The following OR5AS1 variants were observed in gnomAD, a reference collection of about 807,000 sequenced individuals.
The protein encoded by OR5AS1 is olfactory receptor 5AS1.
For missense variants in OR5AS1, 492 were observed against 378.2 expected, an observed-to-expected ratio of 1.30 and a Z score of -2.50; for synonymous variants, 196 against 141.7, an observed-to-expected ratio of 1.38 and a Z score of -2.72.
In OR5AS1 at chr11:56,033,965, AG is replaced by A. The variant is rs1853378239; in HGVS notation, c.*2574del. On this transcript the variant is annotated 3_prime_UTR_variant, in exon 2 of 2. Coordinates refer to ENST00000641320, the MANE Select transcript of OR5AS1 (RefSeq NM_001001921.2). ...ATCTTTACTGTTCTGCAGCCTTCGCAGGCAAACAGGGTCTGGAGTGGATCTC... is the reference window on the plus strand; with the variant it reads ...ATCTTTACTGTTCTGCAGCCTTCGCAGCAAACAGGGTCTGGAGTGGATCTC... 1 of 152,268 alleles carries A rather than the reference AG, an allele frequency of 6.6e-6. No individual in the cohort carries two copies. The highest frequency in any genetic ancestry group is 1.5e-5 in the Non-Finnish European group (1 of 68,180). 9.4% of individuals were successfully genotyped at this position (152,268 alleles called of 1,614,324 possible).
At position 56,035,200 on chromosome 11, in the gene OR5AS1, C is replaced by A. The variant is rs1468729535; in HGVS notation, c.*3807C>A. 1 of 152,122 alleles carries A rather than the reference C, an allele frequency of 6.6e-6. No individual in the cohort carries two copies. The highest frequency in any genetic ancestry group is 1.5e-5 in the Non-Finnish European group (1 of 68,046). The allele number at this position is 152,122 out of a possible 1,614,324, so 9.4% of individuals were successfully genotyped here. On this transcript the variant is annotated 3_prime_UTR_variant, in exon 2 of 2. Coordinates refer to ENST00000641320, the MANE Select transcript of OR5AS1 (RefSeq NM_001001921.2). ...AAAGAACATTGACACTACGAAGAAA[C>A]CACATCAGCTAATGGGCAAAATAAC...
rs867532971 is a variant in OR5AS1 at position 56,030,966 on chromosome 11, C to G, written c.548C>G (p.Pro183Arg). The change falls in exon 2 of 2, where the codon CCT becomes CGT. Residue 183 changes from proline to arginine, a missense_variant. Physicochemically the swap from Pro to Arg is moderately radical, Grantham distance 103 (BLOSUM62 -2). Coordinates refer to ENST00000641320, the MANE Select transcript of OR5AS1 (RefSeq NM_001001921.2). ...IVNHFFCDIP[P>R]LLALSCTDTQ... ...AATCATTTTTTCTGTGATATCCCAC[C>G]TCTTCTGGCTTTATCATGTACAGAC... is the stretch of plus-strand genomic sequence containing the variant. The G allele has an allele frequency of 6.2e-7, 1 of 1,614,106 alleles. No individual in the cohort carries two copies. Among genetic ancestry groups the G allele is most frequent in the South Asian group, 1.1e-5 (1 of 91,088 alleles).
rs943505263 is a variant in OR5AS1, at chr11:56,031,681, T to A, written c.*288T>A. 1 of 226,424 alleles carries A rather than the reference T, an allele frequency of 4.4e-6. No homozygotes were observed. The allele number at this position is 226,424 out of a possible 1,614,324, so 14.0% of individuals were successfully genotyped here. A position where few individuals can be genotyped will look rare whatever the true frequency, so the allele number is the denominator to read the frequency against. The stretch of plus-strand genomic sequence containing the variant: ...AGGTAAATATTGACTTTTCAGTCAA[T>A]CAATCGGTATTAGAAGCTACTTGGC... On this transcript the variant is annotated 3_prime_UTR_variant, in exon 2 of 2. Coordinates refer to ENST00000641320, the MANE Select transcript of OR5AS1 (RefSeq NM_001001921.2).
At position 56,030,927 on chromosome 11, in the gene OR5AS1, G is replaced by T. The variant is rs1283145081; in HGVS notation, c.509G>T (p.Gly170Val). Reference protein sequence around the residue: ...VCLTFRLSFCGSNIVNHFFCD... With the variant: ...VCLTFRLSFCVSNIVNHFFCD... ...CTCACATTCAGGCTGTCATTTTGTG[G>T]CTCCAATATCGTCAATCATTTTTTC... Residue 170 changes from glycine to valine, a missense_variant, in exon 2 of 2, where the codon GGC becomes GTC. Coordinates refer to ENST00000641320, the MANE Select transcript of OR5AS1 (RefSeq NM_001001921.2). 2 of 1,614,084 alleles carry T rather than the reference G, an allele frequency of 1.2e-6. No individual in the cohort carries two copies. Among genetic ancestry groups the T allele is most frequent in the East Asian group, 2.2e-5 (1 of 44,878 alleles).
In OR5AS1 at chr11:56,035,104, G is replaced by A. The variant is rs930098724; in HGVS notation, c.*3711G>A. ...TGTCACCACCAGGCCTGCTTTACAA[G>A]AGCTCCTGAAGGAAGCACTAAACAT... On this transcript the variant is annotated 3_prime_UTR_variant, in exon 2 of 2. Transcript: ENST00000641320. The A allele has an allele frequency of 2.6e-5, 4 of 152,110 alleles. No homozygotes were observed. Among genetic ancestry groups the A allele is most frequent in the African/African-American group, 9.7e-5 (4 of 41,386 alleles). 9.4% of individuals were successfully genotyped at this position (152,110 alleles called of 1,614,324 possible).
Position 56,035,379 on chromosome 11 carries a change from T to G in OR5AS1, c.*3986T>G, listed in dbSNP as rs977585275. On this transcript the variant is annotated 3_prime_UTR_variant, in exon 2 of 2. Transcript: ENST00000641320. ...CTGTATTCAGGAGACCGATCTCATGTGCAAAGCATACATAGGCTCAAAATA... is the reference window on the plus strand; with the variant it reads ...CTGTATTCAGGAGACCGATCTCATGGGCAAAGCATACATAGGCTCAAAATA... 3 of 151,930 alleles carry G rather than the reference T, an allele frequency of 2.0e-5. No individual in the cohort carries two copies. Among genetic ancestry groups the G allele is most frequent in the Admixed American group, 1.3e-4 (2 of 15,266 alleles). The allele number at this position is 151,930 out of a possible 1,614,324, so 9.4% of individuals were successfully genotyped here.
rs1853388929 is a variant in OR5AS1 at position 56,034,897 on chromosome 11, GC to G, written c.*3507del. On this transcript the variant is annotated 3_prime_UTR_variant, in exon 2 of 2. Coordinates refer to ENST00000641320, the MANE Select transcript of OR5AS1 (RefSeq NM_001001921.2). ...AAGCTCACATTACCCACAAAGGGAA[GC>G]CCATCAGACTAACAGCGGCTGTCTC... 6.6e-6 allele frequency: 1 copy of G among 152,170 alleles called. No homozygotes were observed. The highest frequency in any genetic ancestry group is 2.1e-4 in the South Asian group (1 of 4,836). The allele number at this position is 152,170 out of a possible 1,614,324, so 9.4% of individuals were successfully genotyped here. A position where few individuals can be genotyped will look rare whatever the true frequency, so the allele number is the denominator to read the frequency against.
rs1452781916 is a variant in OR5AS1 at position 56,034,700 on chromosome 11, C to T, written c.*3307C>T. On this transcript the variant is annotated 3_prime_UTR_variant, in exon 2 of 2. Transcript: ENST00000641320. Reference sequence around the variant, plus strand: ...TGGAAAACACTCTTCAGGATATCATCCAGGAGAAACTCCCCAACCTAACAA... The same window carrying T: ...TGGAAAACACTCTTCAGGATATCATTCAGGAGAAACTCCCCAACCTAACAA... 2.0e-5 allele frequency: 3 copies of T among 152,066 alleles called. No individual in the cohort carries two copies. Among genetic ancestry groups the T allele is most frequent in the Non-Finnish European group, 4.4e-5 (3 of 68,038 alleles). The allele number at this position is 152,066 out of a possible 1,614,324, so 9.4% of individuals were successfully genotyped here.
In OR5AS1 at chr11:56,036,113, T is replaced by A. The variant is rs1853401805; in HGVS notation, c.*4720T>A. 6.6e-6 allele frequency: 1 copy of A among 152,100 alleles called. No homozygotes were observed. The highest frequency in any genetic ancestry group is 2.1e-4 in the South Asian group (1 of 4,824). 9.4% of individuals were successfully genotyped at this position (152,100 alleles called of 1,614,324 possible). Reference sequence around the variant, plus strand: ...AACAAAGACACAAGGTATCAGAATCTCTGGGACATAGCTAAAGCAGTGTTT... The same window carrying A: ...AACAAAGACACAAGGTATCAGAATCACTGGGACATAGCTAAAGCAGTGTTT... On this transcript the variant is annotated 3_prime_UTR_variant, in exon 2 of 2. Transcript: ENST00000641320.
rs780596244 is a variant in OR5AS1, at chr11:56,033,069, C to T, written c.*1676C>T. ...CCAAGGGAAGCCATGAAGGACTGTG[C>T]CATGAGGAACGGGTGCACTCTGGCC... On this transcript the variant is annotated 3_prime_UTR_variant, in exon 2 of 2. Transcript: ENST00000641320. 1.3e-5 allele frequency: 2 copies of T among 152,260 alleles called. No homozygotes were observed. Among genetic ancestry groups the T allele is most frequent in the Non-Finnish European group, 2.9e-5 (2 of 68,192 alleles). The allele number at this position is 152,260 out of a possible 1,614,324, so 9.4% of individuals were successfully genotyped here. A position where few individuals can be genotyped will look rare whatever the true frequency, so the allele number is the denominator to read the frequency against.
chr11:56,030,796 C>G lies in OR5AS1; in HGVS notation c.378C>G (p.Ile126Met). Residue 126 changes from isoleucine to methionine, a missense_variant, in exon 2 of 2, where the codon ATC (isoleucine) becomes ATG (methionine). Ile to Met is a conservative substitution (Grantham distance 10). Coordinates refer to ENST00000641320, the MANE Select transcript of OR5AS1 (RefSeq NM_001001921.2). ...AAMAYDRYAA[I>M]CNPLLYTTLM... ...TGGCTTATGACCGCTATGCAGCCAT[C>G]TGCAACCCACTGCTCTATACTACAC... The G allele has an allele frequency of 6.2e-7, 1 of 1,614,072 alleles. No individual in the cohort carries two copies. The highest frequency in any genetic ancestry group is 8.5e-7 in the Non-Finnish European group (1 of 1,179,978).
Position 56,030,932 on chromosome 11 carries a change from A to G in OR5AS1, c.514A>G (p.Asn172Asp). The change falls in exon 2 of 2, where the codon AAT becomes GAT. Residue 172 changes from asparagine (N) to aspartate (D), a missense_variant. Asn to Asp is a conservative substitution (Grantham distance 23). Coordinates refer to ENST00000641320, the MANE Select transcript of OR5AS1 (RefSeq NM_001001921.2). ...LTFRLSFCGS[N>D]IVNHFFCDIP... is the part of the protein sequence containing the mutation. ...ATTCAGGCTGTCATTTTGTGGCTCCAATATCGTCAATCATTTTTTCTGTGA... is the reference window on the plus strand; with the variant it reads ...ATTCAGGCTGTCATTTTGTGGCTCCGATATCGTCAATCATTTTTTCTGTGA... 6.2e-7 allele frequency: 1 copy of G among 1,614,092 alleles called. No individual in the cohort carries two copies. The highest frequency in any genetic ancestry group is 8.5e-7 in the Non-Finnish European group (1 of 1,180,014).
Position 56,031,434 on chromosome 11 carries a change from C to T in OR5AS1, c.*41C>T. The T allele has an allele frequency of 7.5e-7, 1 of 1,339,096 alleles. No individual in the cohort carries two copies. Among genetic ancestry groups the T allele is most frequent in the Non-Finnish European group, 1.0e-6 (1 of 988,382 alleles). The allele number at this position is 1,339,096 out of a possible 1,614,324, so 83.0% of individuals were successfully genotyped here. ...TCATAAACAGCAATTATGCCATGAA[C>T]ATCTTATGTGTTAACTATTTTAAAT... On this transcript the variant is annotated 3_prime_UTR_variant, in exon 2 of 2. Coordinates refer to ENST00000641320, the MANE Select transcript of OR5AS1 (RefSeq NM_001001921.2).
chr11:56,031,152 T>C lies in OR5AS1; in HGVS notation c.734T>C (p.Leu245Pro). 1 of 1,614,110 alleles carries C rather than the reference T, an allele frequency of 6.2e-7. No individual in the cohort carries two copies. Among genetic ancestry groups the C allele is most frequent in the East Asian group, 2.2e-5 (1 of 44,880 alleles). ...SKTFSTCASHLIAVTLFYGAL... is the reference protein window; with the variant it reads ...SKTFSTCASHPIAVTLFYGAL... ...ACATTCTCCACTTGTGCTTCCCACC[T>C]CATAGCAGTCACCTTATTCTATGGA... The change falls in exon 2 of 2, where the codon CTC becomes CCC. Residue 245 changes from leucine to proline, a missense_variant. By Grantham distance (98) the Leu-to-Pro change is moderately conservative. Transcript: ENST00000641320.
Position 56,030,704 on chromosome 11 carries a change from G to T in OR5AS1, c.286G>T (p.Gly96Trp). 6.2e-7 allele frequency: 1 copy of T among 1,608,304 alleles called. No individual in the cohort carries two copies. The highest frequency in any genetic ancestry group is 1.1e-5 in the South Asian group (1 of 90,574). The change falls in exon 2 of 2, where the codon GGG (glycine) becomes TGG (tryptophan). Residue 96 changes from glycine (G) to tryptophan (W), a missense_variant. Gly to Trp is a radical substitution (Grantham distance 184, BLOSUM62 -2). Transcript: ENST00000641320. The part of the protein sequence containing the change: ...LASRKSISPY[G>W]CALQMFFFAS... ...ATCCAGGAAAAGCATCTCTCCTTAT[G>T]GGTGTGCACTACAAATGTTTTTCTT... is the stretch of plus-strand genomic sequence containing the variant.
rs1006279261 is a variant in OR5AS1, at chr11:56,032,537, A to G, written c.*1144A>G. 6.6e-6 allele frequency: 1 copy of G among 152,172 alleles called. No individual in the cohort carries two copies. The highest frequency in any genetic ancestry group is 1.9e-4 in the East Asian group (1 of 5,196). The allele number at this position is 152,172 out of a possible 1,614,324, so 9.4% of individuals were successfully genotyped here. Reference sequence around the variant, plus strand: ...GAAATAAAAAAGTGTGCATTTTGTAATAATTATGAAAATATAAATGGTTGG... The same window carrying G: ...GAAATAAAAAAGTGTGCATTTTGTAGTAATTATGAAAATATAAATGGTTGG... On this transcript the variant is annotated 3_prime_UTR_variant, in exon 2 of 2. Transcript: ENST00000641320.
In OR5AS1 at chr11:56,030,531, C is replaced by T. The variant is rs1853336021; in HGVS notation, c.113C>T (p.Thr38Ile). ...GTATTCCTTCTGGTATATACATTAA[C>T]TATGGTCGGAAATATACTCTTAATA... Reference protein sequence around the residue: ...FLVFLLVYTLTMVGNILLIIL... With the variant: ...FLVFLLVYTLIMVGNILLIIL... The change falls in exon 2 of 2, where the codon ACT becomes ATT. Residue 38 changes from threonine (T) to isoleucine (I), a missense_variant. Physicochemically the swap from Thr to Ile is moderately conservative, Grantham distance 89 (BLOSUM62 -1). Transcript: ENST00000641320. 1 of 1,556,148 alleles carries T rather than the reference C, an allele frequency of 6.4e-7. No individual in the cohort carries two copies. Among genetic ancestry groups the T allele is most frequent in the South Asian group, 1.2e-5 (1 of 84,790 alleles).
In OR5AS1 at chr11:56,030,414, C is replaced by T. The variant is rs1853334608; in HGVS notation, c.-5C>T. 1.4e-6 allele frequency: 2 copies of T among 1,440,044 alleles called. No individual in the cohort carries two copies. Among genetic ancestry groups the T allele is most frequent in the African/African-American group, 2.8e-5 (2 of 70,676 alleles). 89.2% of individuals were successfully genotyped at this position (1,440,044 alleles called of 1,614,324 possible). A position where few individuals can be genotyped will look rare whatever the true frequency, so the allele number is the denominator to read the frequency against. On this transcript the variant is annotated 5_prime_UTR_variant, in exon 2 of 2. Transcript: ENST00000641320. ...AGGTCCAGTGGGAAAAACAAGAAAACTAAGATGTTGGAGAGTAATTACACC... is the reference window on the plus strand; with the variant it reads ...AGGTCCAGTGGGAAAAACAAGAAAATTAAGATGTTGGAGAGTAATTACACC...
At position 56,032,653 on chromosome 11, in the gene OR5AS1, A is replaced by G. The variant is rs1853362850; in HGVS notation, c.*1260A>G. On this transcript the variant is annotated 3_prime_UTR_variant, in exon 2 of 2. Transcript: ENST00000641320. The stretch of plus-strand genomic sequence containing the variant: ...TTTTGAGTATTAAGTAAAGTTATAT[A>G]TGTAAAATTACTGGTATATGTATAT... 1 of 152,166 alleles carries G rather than the reference A, an allele frequency of 6.6e-6. No individual in the cohort carries two copies. Among genetic ancestry groups the G allele is most frequent in the Non-Finnish European group, 1.5e-5 (1 of 68,044 alleles). The allele number at this position is 152,166 out of a possible 1,614,324, so 9.4% of individuals were successfully genotyped here.
Sources: allele counts gnomAD v4.1 joint callset, GRCh38; gene constraint gnomAD v4.1.1; transcripts MANE v1.5; gene names NCBI Gene and HGNC (gene_info 2026-07-23, HGNC 2026-07-21).